The following ABTB3 variants were observed in gnomAD, a reference collection of about 807,000 sequenced individuals.
ABTB3 encodes ankyrin repeat and BTB domain containing 3.
the ABTB3 span, chr12:107,319,338 C>A: frequency 6.4e-7 from 1 of 1,550,682 alleles, no homozygotes; most frequent in Non-Finnish European, 8.7e-7. Flanking sequence ...GCCAAGCTGT[C>A]GACGCTGGTG....
the ABTB3 span, among the ~76,000 whole-genome samples, chr12:107,322,655 G>T: frequency 6.6e-6 from 1 of 152,160 alleles, no homozygotes; most frequent in Non-Finnish European, 1.5e-5. Flanking sequence ...TGGGTAAGAG[G>T]TAATAACAGC....
At chr12:107,364,490 C>T in the ABTB3 span, among the ~76,000 whole-genome samples, 1 of 151,978 alleles carries the variant, frequency 6.6e-6, no homozygotes, top group South Asian at 2.1e-4. Flanking sequence ...GGGCTTTCAC[C>T]ATATTGGTTA....
At chr12:107,567,080 C>T in the ABTB3 span, among the ~76,000 whole-genome samples, 1 of 152,232 alleles carries the variant, frequency 6.6e-6, no homozygotes, top group Non-Finnish European at 1.5e-5. Context: ...GATTGCACCA[C>T]TGCACTTCAG....
chr12:107,631,194 A>T, the ABTB3 span, among the ~76,000 whole-genome samples: 1 of 152,216 alleles, frequency 6.6e-6, no homozygotes, highest in East Asian at 1.9e-4. Context: ...ACGTGAGAAC[A>T]TGGGGTATTT....
the ABTB3 span, among the ~76,000 whole-genome samples, chr12:107,374,214 C>T: frequency 2.6e-5 from 4 of 152,218 alleles, no homozygotes; most frequent in South Asian, 4.1e-4. Context: ...TTTTCCAAAT[C>T]GGAGGCTTTG....
At chr12:107,506,407 G>C in the ABTB3 span, among the ~76,000 whole-genome samples, 1 of 152,236 alleles carries the variant, frequency 6.6e-6, no homozygotes, top group East Asian at 1.9e-4. Context: ...CATGACACAT[G>C]TCAGGCAAAG....
chr12:107,422,948 T>C, the ABTB3 span, among the ~76,000 whole-genome samples: 6 of 152,226 alleles, frequency 3.9e-5, no homozygotes, highest in Non-Finnish European at 8.8e-5. Flanking sequence ...TCAATTGCCA[T>C]GGGGAAAGAA....
At chr12:107,497,526 C>T in the ABTB3 span, among the ~76,000 whole-genome samples, 1 of 151,978 alleles carries the variant, frequency 6.6e-6, no homozygotes, top group African/African-American at 2.4e-5. Flanking sequence ...CATCCCACCA[C>T]CATCATCCCA....
At chr12:107,640,255 C>A in the ABTB3 span, 1 of 1,043,166 alleles carries the variant, frequency 9.6e-7, no homozygotes. Context: ...CAAGATAAAT[C>A]TAAACTTCAT....
At chr12:107,536,249 T>A in the ABTB3 span, among the ~76,000 whole-genome samples, 1 of 152,104 alleles carries the variant, frequency 6.6e-6, no homozygotes, top group African/African-American at 2.4e-5. Flanking sequence ...TCAAAATGGA[T>A]TAAAGACTTA....
the ABTB3 span, among the ~76,000 whole-genome samples, chr12:107,504,397 A>G: frequency 1.3e-5 from 2 of 151,616 alleles, no homozygotes; most frequent in African/African-American, 2.4e-5. Context: ...ACACACACAC[A>G]CCCCTCTCTG....
the ABTB3 span, among the ~76,000 whole-genome samples, chr12:107,572,298 T>G: frequency 5.8e-4 from 88 of 151,546 alleles, no homozygotes; most frequent in Non-Finnish European, 9.6e-4. Flanking sequence ...TAGATCTCCA[T>G]GAGAGAGGGG....
the ABTB3 span, among the ~76,000 whole-genome samples, chr12:107,344,908 A>G: frequency 6.6e-6 from 1 of 152,222 alleles, no homozygotes; most frequent in Non-Finnish European, 1.5e-5. Context: ...ATTTGCTTTT[A>G]AAATCACCCT....
the ABTB3 span, among the ~76,000 whole-genome samples, chr12:107,363,892 G>C: frequency 6.6e-6 from 1 of 152,158 alleles, no homozygotes; most frequent in Non-Finnish European, 1.5e-5. Context: ...TAACTCTTGA[G>C]GCTCACAGTT....
At chr12:107,618,264 C>T in the ABTB3 span, 2 of 1,613,618 alleles carry the variant, frequency 1.2e-6, no homozygotes, top group Non-Finnish European at 8.5e-7. Flanking sequence ...GACAGCCCCG[C>T]CCCCCTTGTG....
the ABTB3 span, among the ~76,000 whole-genome samples, chr12:107,427,249 C>T: frequency 2.6e-5 from 4 of 151,968 alleles, no homozygotes; most frequent in Non-Finnish European, 5.9e-5. Context: ...CATCACGTTG[C>T]CTTCTCTCTG....
At chr12:107,427,865 T>G in the ABTB3 span, among the ~76,000 whole-genome samples, 4 of 152,318 alleles carry the variant, frequency 2.6e-5, no homozygotes, top group South Asian at 8.3e-4. Context: ...TGAGGTGGTA[T>G]GAGCTCATGT....
At chr12:107,608,807 G>A in the ABTB3 span, among the ~76,000 whole-genome samples, 2 of 151,398 alleles carry the variant, frequency 1.3e-5, no homozygotes, top group Non-Finnish European at 2.9e-5. Flanking sequence ...GGAGTCTGAG[G>A]CTGCAGTGAG....
the ABTB3 span, among the ~76,000 whole-genome samples, chr12:107,512,722 G>A: frequency 1.3e-5 from 2 of 152,156 alleles, no homozygotes; most frequent in African/African-American, 4.8e-5. Flanking sequence ...TAGGATCTAC[G>A]TGACCTTAGG....
Sources: gnomAD v4.1 joint callset for allele counts (sites outside exome capture counted in the v4.1 genomes callset) on GRCh38, gnomAD v4.1.1 for gene constraint, MANE v1.5 for transcripts, NCBI Gene and HGNC (gene_info 2026-07-23, HGNC 2026-07-21) for gene names.